DAB1: variants seen among roughly 807,000 people sequenced by gnomAD.
DAB1 encodes DAB adaptor protein 1.
In DAB1, 15 loss-of-function variants were observed where a neutral mutation model predicts 64.6. The observed-to-expected ratio is 0.23, with a 90% CI of 0.16 to 0.36. The LOEUF is 0.36. Ranked by LOEUF, DAB1 falls within the 10% of genes least tolerant of loss-of-function variation. The probability of loss-of-function intolerance (pLI) is 1.00; values close to 1 mark genes in which losing one functional copy is unlikely to be tolerated. For missense variants in DAB1, 596 were observed against 706.7 expected, an observed-to-expected ratio of 0.84 and a Z score of 1.78; for synonymous variants, 235 against 251.9, an observed-to-expected ratio of 0.93 and a Z score of 0.64.
chr1:57,721,104 C>T, intron 6 of DAB1, among the ~76,000 whole-genome samples: 1 of 152,186 alleles, frequency 6.6e-6, no homozygotes, highest in East Asian at 1.9e-4. Context: ...TTCTGACCTG[C>T]AGCCACCCTC....
At chr1:58,356,151 C>T (rs904096431) in intron 3 of DAB1, among the ~76,000 whole-genome samples, 1 of 152,316 alleles carries the variant, frequency 6.6e-6, no homozygotes. Flanking sequence ...CTCAAACTAG[C>T]GTCTGCATTA....
intron 2 of DAB1, among the ~76,000 whole-genome samples, chr1:57,246,260 C>G (rs984930103): frequency 1.3e-5 from 2 of 151,780 alleles, no homozygotes; most frequent in African/African-American, 4.9e-5. Context: ...GAACCTACCA[C>G]CCGCTGCCCC....
intron 6 of DAB1, among the ~76,000 whole-genome samples, chr1:57,688,427 G>A (rs1366972506): frequency 6.6e-6 from 1 of 152,148 alleles, no homozygotes; most frequent in Non-Finnish European, 1.5e-5. Flanking sequence ...AGATGCTGGT[G>A]AGGCTGTGGA....
intron 1 of DAB1, chr1:57,307,417 C>G (rs17115580): frequency 0.046 from 7,027 of 152,704 alleles, 434 homozygotes; most frequent in African/African-American, 0.14. Context: ...AGCAGGACCT[C>G]TTGCTAGTAG....
intron 6 of DAB1, among the ~76,000 whole-genome samples, chr1:57,819,114 A>T (rs1437448123): frequency 6.6e-6 from 1 of 152,204 alleles, no homozygotes; most frequent in Non-Finnish European, 1.5e-5. Flanking sequence ...GATGTAGACA[A>T]AGTCTGAGAT....
intron 3 of DAB1, among the ~76,000 whole-genome samples, chr1:58,440,379 A>G (rs1037075183): frequency 6.6e-6 from 1 of 152,194 alleles, no homozygotes; most frequent in Non-Finnish European, 1.5e-5. Context: ...CCATATTAAT[A>G]CCCTGAAGCA....
At chr1:57,182,033 A>G (rs189378375) in intron 2 of DAB1, among the ~76,000 whole-genome samples, 1 of 152,062 alleles carries the variant, frequency 6.6e-6, no homozygotes, top group Admixed American at 6.6e-5. Context: ...CTACAGGTGC[A>G]TGCCACCACG....
At chr1:58,356,446 T>C (rs1644112379) in intron 3 of DAB1, among the ~76,000 whole-genome samples, 1 of 152,176 alleles carries the variant, frequency 6.6e-6, no homozygotes, top group Non-Finnish European at 1.5e-5. Context: ...TTGTGTACTA[T>C]GCAGATCATT....
chr1:57,760,619 C>T (rs1376507052), intron 6 of DAB1, among the ~76,000 whole-genome samples: 5 of 114,648 alleles, frequency 4.4e-5, no homozygotes, highest in African/African-American at 1.9e-4. Flanking sequence ...CTCTCTCTCT[C>T]TCACACACAC....
intron 5 of DAB1, among the ~76,000 whole-genome samples, chr1:57,911,958 A>G (rs1006143359): frequency 6.6e-6 from 1 of 151,996 alleles, no homozygotes; most frequent in Non-Finnish European, 1.5e-5. Flanking sequence ...CCTGTATTAA[A>G]CCCCCTCCAT....
intron 5 of DAB1, among the ~76,000 whole-genome samples, chr1:58,066,790 T>C (rs1474239227): frequency 6.6e-6 from 1 of 152,174 alleles, no homozygotes; most frequent in East Asian, 1.9e-4. Context: ...TCAGATACCA[T>C]GAGACACTGG....
At chr1:57,795,066 G>A (rs764467050) in intron 6 of DAB1, among the ~76,000 whole-genome samples, 2 of 152,312 alleles carry the variant, frequency 1.3e-5, no homozygotes, top group African/African-American at 4.8e-5. Context: ...GTCATAGCCC[G>A]AACTCTCTCC....
At chr1:57,678,770 T>TA (rs954400015) in intron 6 of DAB1, among the ~76,000 whole-genome samples, 6 of 144,712 alleles carry the variant, frequency 4.1e-5, no homozygotes, top group Non-Finnish European at 8.9e-5. Flanking sequence ...TGTTTTTTGT[T>TA]TTTTTTTTCT....
chr1:57,192,046 G>A (rs1279275369), intron 2 of DAB1, among the ~76,000 whole-genome samples: 1 of 151,972 alleles, frequency 6.6e-6, no homozygotes, highest in Non-Finnish European at 1.5e-5. Context: ...GGCTGGGCAC[G>A]ATGGCTCACA....
chr1:58,072,112 T>C (rs1416034492), intron 5 of DAB1, among the ~76,000 whole-genome samples: 2 of 150,084 alleles, frequency 1.3e-5, no homozygotes, highest in African/African-American at 4.9e-5. Flanking sequence ...TAGGGAAGGT[T>C]TTGCAATTTT....
chr1:58,185,439 G>T (rs557413998), intron 4 of DAB1, among the ~76,000 whole-genome samples: 7 of 152,278 alleles, frequency 4.6e-5, no homozygotes, highest in African/African-American at 1.7e-4. Context: ...TCACTCAGAA[G>T]GAATCCTAGC....
intron 4 of DAB1, among the ~76,000 whole-genome samples, chr1:58,241,441 T>C (rs981007692): frequency 2.6e-5 from 4 of 152,070 alleles, no homozygotes; most frequent in Admixed American, 6.6e-5. Context: ...CTAAATACAA[T>C]GTCCTGGAGA....
chr1:57,016,898 T>C (rs1217953832), intron 11 of DAB1, among the ~76,000 whole-genome samples: 1 of 152,082 alleles, frequency 6.6e-6, no homozygotes, highest in Non-Finnish European at 1.5e-5. Context: ...TTATTATCTG[T>C]ATTTTAGGGA....
intron 4 of DAB1, among the ~76,000 whole-genome samples, chr1:57,124,900 T>C (rs991128231): frequency 6.6e-6 from 1 of 152,138 alleles, no homozygotes; most frequent in Non-Finnish European, 1.5e-5. Flanking sequence ...AATCACTGTC[T>C]TTTGTCCTCA....
Sources: gnomAD v4.1 joint callset for allele counts (sites outside exome capture counted in the v4.1 genomes callset) on GRCh38, gnomAD v4.1.1 for gene constraint, MANE v1.5 for transcripts, NCBI Gene and HGNC (gene_info 2026-07-23, HGNC 2026-07-21) for gene names.